The following ZNF528 variants were observed in gnomAD, a reference collection of about 807,000 sequenced individuals.
The protein encoded by ZNF528 is zinc finger protein 528.
Under a neutral mutation model 13.3 loss-of-function variants are expected in ZNF528, and 9 were observed. The observed-to-expected ratio is 0.67, with a 90% CI of 0.41 to 1.18. ZNF528 has a LOEUF of 1.18. ZNF528 is among the 50% of genes most tolerant of loss of function. ZNF528 has a pLI of 0.01. For missense variants in ZNF528, 858 were observed against 745.4 expected (o/e 1.15, Z -1.76); for synonymous variants, 264 against 254.3 (o/e 1.04, Z -0.36).
chr19:52,408,834 T>A (rs2058892893), intron 6 of ZNF528, among the ~76,000 whole-genome samples: 1 of 152,188 alleles, frequency 6.6e-6, no homozygotes, highest in African/African-American at 2.4e-5. Context: ...CCCAAGTTGT[T>A]GGGATTACAG....
At chr19:52,408,898 A>G (rs1265258730) in intron 6 of ZNF528, among the ~76,000 whole-genome samples, 1 of 152,106 alleles carries the variant, frequency 6.6e-6, no homozygotes, top group African/African-American at 2.4e-5. Flanking sequence ...ATATGGATTA[A>G]AGATACCGTC....
At position 52,399,844 on chromosome 19, in the gene ZNF528, A is replaced by G. The variant is rs116572011; in HGVS notation, c.-137+1225A>G. Among the ~76,000 whole-genome samples, 233 of 152,310 alleles carry G rather than the reference A, an allele frequency of 1.5e-3. 1 individual carries two copies. Among genetic ancestry groups the G allele is most frequent in the African/African-American group, 5.1e-3 (212 of 41,576 alleles). ...ACCAACAAGCAGTTCTTCGTCAGAC[A>G]GCACCTGGGTGTTCTGTAATTTTAC... On this transcript the variant is annotated intron_variant, in intron 2 of 6. Transcript: ENST00000360465.
Position 52,398,566 on chromosome 19 carries a change from T to C in ZNF528, c.-190T>C, listed in dbSNP as rs2058755739. The C allele has an allele frequency of 2.0e-6, 2 of 985,040 alleles. No homozygotes were observed. Among genetic ancestry groups the C allele is most frequent in the African/African-American group, 1.8e-5 (1 of 57,122 alleles). The allele number at this position is 985,040 out of a possible 1,614,324, so 61.0% of individuals were successfully genotyped here. A position where few individuals can be genotyped will look rare whatever the true frequency, so the allele number is the denominator to read the frequency against. On this transcript the variant is annotated 5_prime_UTR_variant, in exon 2 of 7. Transcript: ENST00000360465. ...GAACGAGGCAGAGGAAATAGAGAAA[T>C]TTTGAAAGAGAAATGAAGAATGAGA...
Position 52,416,822 on chromosome 19 carries a change from T to C in ZNF528, c.*83T>C. Reference sequence around the variant, plus strand: ...TCAGTGAGTCCATACTAAGTGGAAATCATATAAATGAAATGTATGTGACAC... The same window carrying C: ...TCAGTGAGTCCATACTAAGTGGAAACCATATAAATGAAATGTATGTGACAC... On this transcript the variant is annotated 3_prime_UTR_variant, in exon 7 of 7. Coordinates refer to ENST00000360465, the MANE Select transcript of ZNF528 (RefSeq NM_032423.3). The C allele has an allele frequency of 7.3e-7, 1 of 1,377,164 alleles. No individual in the cohort carries two copies. Among genetic ancestry groups the C allele is most frequent in the South Asian group, 1.5e-5 (1 of 66,814 alleles). 85.3% of individuals were successfully genotyped at this position (1,377,164 alleles called of 1,614,324 possible). A position where few individuals can be genotyped will look rare whatever the true frequency, so the allele number is the denominator to read the frequency against.
At position 52,416,168 on chromosome 19, in the gene ZNF528, G is replaced by T. The variant is rs748159086; in HGVS notation, c.1316G>T (p.Cys439Phe). ...CATACTGATGAGAAGCCTTACAAATGTAATAAATGTGGCACAGCGTTTAGA... is the reference window on the plus strand; with the variant it reads ...CATACTGATGAGAAGCCTTACAAATTTAATAAATGTGGCACAGCGTTTAGA... The part of the protein sequence containing the change: ...KTHTDEKPYK[C>F]NKCGTAFREF... The change falls in exon 7 of 7, where the codon TGT (cysteine) becomes TTT (phenylalanine). Residue 439 changes from cysteine (C) to phenylalanine (F), a missense_variant. Physicochemically the swap from Cys to Phe is radical, Grantham distance 205 (BLOSUM62 -2). Coordinates refer to ENST00000360465, the MANE Select transcript of ZNF528 (RefSeq NM_032423.3). 2 of 1,613,898 alleles carry T rather than the reference G, an allele frequency of 1.2e-6. No homozygotes were observed. Among genetic ancestry groups the T allele is most frequent in the Non-Finnish European group, 1.7e-6 (2 of 1,179,994 alleles).
rs748987275 is a variant in ZNF528, at chr19:52,415,851, C to G, written c.999C>G (p.Val333=). The G allele has an allele frequency of 6.2e-7, 1 of 1,613,922 alleles. No individual in the cohort carries two copies. The highest frequency in any genetic ancestry group is 1.7e-5 in the Admixed American group (1 of 60,018). ...ACAGTTGTAATAAATGTGGCAAGGTCTTTAGTCGCCATTCATATCTAGCAG... is the reference window on the plus strand; with the variant it reads ...ACAGTTGTAATAAATGTGGCAAGGTGTTTAGTCGCCATTCATATCTAGCAG... ...KPYSCNKCGK[V]FSRHSYLAEH... Residue 333 remains valine (V), a synonymous_variant, in exon 7 of 7, where the codon GTC becomes GTG. Coordinates refer to ENST00000360465, the MANE Select transcript of ZNF528 (RefSeq NM_032423.3).
Position 52,398,489 on chromosome 19 carries a change from G to A in ZNF528, c.-267G>A, listed in dbSNP as rs2058755200. 1.3e-6 allele frequency: 1 copy of A among 783,012 alleles called. No individual in the cohort carries two copies. Among genetic ancestry groups the A allele is most frequent in the African/African-American group, 1.9e-5 (1 of 53,470 alleles). The allele number at this position is 783,012 out of a possible 1,614,324, so 48.5% of individuals were successfully genotyped here. ...ACAGAAAATGAGCTCTTCCGGAAGTGGGCATCTTATTCCAATCCCCTCCCT... is the reference window on the plus strand; with the variant it reads ...ACAGAAAATGAGCTCTTCCGGAAGTAGGCATCTTATTCCAATCCCCTCCCT... On this transcript the variant is annotated 5_prime_UTR_variant, in exon 2 of 7. Coordinates refer to ENST00000360465, the MANE Select transcript of ZNF528 (RefSeq NM_032423.3).
chr19:52,405,261 C>T lies in ZNF528; in HGVS notation c.16-646C>T, dbSNP rs149144967. Among the ~76,000 whole-genome samples, 818 of 148,672 alleles carry T rather than the reference C, an allele frequency of 5.5e-3. 7 individuals carry two copies. Among genetic ancestry groups the T allele is most frequent in the African/African-American group, 0.019 (777 of 40,500 alleles). On this transcript the variant is annotated intron_variant, in intron 4 of 6. Coordinates refer to ENST00000360465, the MANE Select transcript of ZNF528 (RefSeq NM_032423.3). ...CAAAACTACAGTAGGTTGGGTGTGGCGGCTCACACCTGTAATCCCAGGACT... is the reference window on the plus strand; with the variant it reads ...CAAAACTACAGTAGGTTGGGTGTGGTGGCTCACACCTGTAATCCCAGGACT...
In ZNF528 at chr19:52,418,169, G is replaced by A. The variant is rs2059023091; in HGVS notation, c.*1430G>A. The A allele has an allele frequency of 6.6e-6, 1 of 152,042 alleles. No individual in the cohort carries two copies. Among genetic ancestry groups the A allele is most frequent in the South Asian group, 2.1e-4 (1 of 4,816 alleles). The allele number at this position is 152,042 out of a possible 1,614,324, so 9.4% of individuals were successfully genotyped here. A position where few individuals can be genotyped will look rare whatever the true frequency, so the allele number is the denominator to read the frequency against. On this transcript the variant is annotated 3_prime_UTR_variant, in exon 7 of 7. Transcript: ENST00000360465. ...CCAGCTAATTTTTGTATTTTTAGTA[G>A]AGATGGGGTTTCACCACGTTGGCCA...
chr19:52,401,662 C>CTTTTT (rs34244828), intron 2 of ZNF528, 23 bp from the exon 3 acceptor site: 195 of 906,680 alleles, frequency 2.2e-4, no homozygotes, highest in East Asian at 8.4e-4. Context: ...TGAAGAATTG[C>CTTTTT]TTTTTTTTTT....
At chr19:52,401,917 A>G in intron 3 of ZNF528, 30 bp from the exon 4 acceptor site, 1 of 1,603,594 alleles carries the variant, frequency 6.2e-7, no homozygotes, top group Non-Finnish European at 8.5e-7. Context: ...GTTGATTCTA[A>G]GCCCTAAGCA....
intron 4 of ZNF528, 140 bp downstream of exon 4, chr19:52,402,168 C>A: frequency 2.5e-6 from 3 of 1,224,216 alleles, no homozygotes; most frequent in South Asian, 1.3e-5. Flanking sequence ...CCAGTCCCTT[C>A]ATTTCCGCTT....
chr19:52,406,823 C>T lies in ZNF528; in HGVS notation c.271+180C>T, dbSNP rs979963252. On this transcript the variant is annotated intron_variant, in intron 6 of 6. Transcript: ENST00000360465. Reference sequence around the variant, plus strand: ...AAGTGTTGGGATTACAGCCATGAGCCACTGTACCCTGCAAAGCCACACTAT... The same window carrying T: ...AAGTGTTGGGATTACAGCCATGAGCTACTGTACCCTGCAAAGCCACACTAT... 8 of 722,040 alleles carry T rather than the reference C, an allele frequency of 1.1e-5. No homozygotes were observed. In the African/African-American group the frequency reaches 1.4e-4, roughly 13 times the overall value. 44.7% of individuals were successfully genotyped at this position (722,040 alleles called of 1,614,324 possible).
chr19:52,416,515 G>A lies in ZNF528; in HGVS notation c.1663G>A (p.Gly555Ser). Reference sequence around the variant, plus strand: ...GAGGCCTTACAGATGTAGTAAATGTGGCAAAGCATTTCGAGGGTGTTCAGG... The same window carrying A: ...GAGGCCTTACAGATGTAGTAAATGTAGCAAAGCATTTCGAGGGTGTTCAGG... ...GERPYRCSKCGKAFRGCSGLT... is the reference protein window; with the variant it reads ...GERPYRCSKCSKAFRGCSGLT... The change falls in exon 7 of 7, where the codon GGC becomes AGC. Residue 555 changes from glycine (G) to serine (S), a missense_variant. Coordinates refer to ENST00000360465, the MANE Select transcript of ZNF528 (RefSeq NM_032423.3). 1.9e-6 allele frequency: 3 copies of A among 1,614,116 alleles called. No individual in the cohort carries two copies. Among genetic ancestry groups the A allele is most frequent in the Non-Finnish European group, 1.7e-6 (2 of 1,180,004 alleles).
chr19:52,403,984 T>G (rs1449882932), intron 4 of ZNF528, among the ~76,000 whole-genome samples: 1 of 152,112 alleles, frequency 6.6e-6, no homozygotes, highest in Non-Finnish European at 1.5e-5. Flanking sequence ...AATGACCTTT[T>G]AGGCAGTTTT....
chr19:52,407,206 A>C (rs2058868559), intron 6 of ZNF528, among the ~76,000 whole-genome samples: 1 of 151,504 alleles, frequency 6.6e-6, no homozygotes, highest in Non-Finnish European at 1.5e-5. Flanking sequence ...TGGCATGATT[A>C]CGGCTTGCTG....
intron 2 of ZNF528, among the ~76,000 whole-genome samples, chr19:52,401,136 A>T (rs1168125324): frequency 6.6e-6 from 1 of 151,338 alleles, no homozygotes; most frequent in Non-Finnish European, 1.5e-5. Context: ...TTCCCTCTTC[A>T]CCCACCCCTC....
chr19:52,415,228 G>A lies in ZNF528; in HGVS notation c.376G>A (p.Glu126Lys). ...HLSDLQLFQA[E>K]RKISGCKHFE... is the part of the protein sequence containing the mutation. ...GAGTGATCTACAGCTATTTCAAGCT[G>A]AAAGGAAAATTTCTGGGTGTAAGCA... The change falls in exon 7 of 7, where the codon GAA becomes AAA. Residue 126 changes from glutamate (E) to lysine (K), a missense_variant. Glu to Lys is a moderately conservative substitution (Grantham distance 56). Coordinates refer to ENST00000360465, the MANE Select transcript of ZNF528 (RefSeq NM_032423.3). The A allele has an allele frequency of 1.2e-6, 2 of 1,614,070 alleles. No homozygotes were observed. Among genetic ancestry groups the A allele is most frequent in the Non-Finnish European group, 1.7e-6 (2 of 1,180,006 alleles).
chr19:52,416,903 G>A lies in ZNF528; in HGVS notation c.*164G>A, dbSNP rs1301628637. ...ACATCACCACATCACTGTGGAGGAT[G>A]AAAGCACACAGATGAATTGTGTGTA... is the stretch of plus-strand genomic sequence containing the variant. On this transcript the variant is annotated 3_prime_UTR_variant, in exon 7 of 7. Coordinates refer to ENST00000360465, the MANE Select transcript of ZNF528 (RefSeq NM_032423.3). The A allele has an allele frequency of 7.4e-6, 5 of 672,926 alleles. No homozygotes were observed. Among genetic ancestry groups the A allele is most frequent in the Non-Finnish European group, 1.2e-5 (5 of 407,564 alleles). 41.7% of individuals were successfully genotyped at this position (672,926 alleles called of 1,614,324 possible).
Sources: gnomAD v4.1 joint callset for allele counts (sites outside exome capture counted in the v4.1 genomes callset) on GRCh38, gnomAD v4.1.1 for gene constraint, MANE v1.5 for transcripts, NCBI Gene and HGNC (gene_info 2026-07-23, HGNC 2026-07-21) for gene names.